The following TMC7 variants were observed in gnomAD, a reference collection of about 807,000 sequenced individuals.
TMC7 encodes transmembrane channel like 7.
TMC7 carries 54 observed loss-of-function variants against 82.9 expected under a neutral mutation model. That is an observed-to-expected ratio of 0.65 (90% CI 0.52 to 0.82). The LOEUF (loss-of-function observed/expected upper bound fraction) is 0.82, where lower values mean the gene tolerates loss of function less well. Among genes scored for constraint, TMC7 ranks in the 40% least tolerant of loss-of-function variants. The pLI is 0.00. For missense variants in TMC7, 820 were observed against 901.2 expected, an observed-to-expected ratio of 0.91 and a Z score of 1.15; for synonymous variants, 350 against 337.9, an observed-to-expected ratio of 1.04 and a Z score of -0.39.
In TMC7 at chr16:18,984,052, CG is replaced by C; in HGVS notation, c.-8del. 1 of 1,473,772 alleles carries C rather than the reference CG, an allele frequency of 6.8e-7. No homozygotes were observed. Among genetic ancestry groups the C allele is most frequent in the Non-Finnish European group, 8.9e-7 (1 of 1,119,986 alleles). The allele number at this position is 1,473,772 out of a possible 1,614,324, so 91.3% of individuals were successfully genotyped here. On this transcript the variant is annotated 5_prime_UTR_variant, in exon 1 of 16. Coordinates refer to ENST00000304381, the MANE Select transcript of TMC7 (RefSeq NM_024847.4). ...GGTCCTCGGCAGCCTCTGAGGAGCGCGGGGCGCGGCCATGAGCGAGTCCAGC... is the reference window on the plus strand; with the variant it reads ...GGTCCTCGGCAGCCTCTGAGGAGCGCGGGCGCGGCCATGAGCGAGTCCAGC...
At chr16:19,009,614 A>G (rs1272729909) in intron 2 of TMC7, among the ~76,000 whole-genome samples, 199 bp downstream of exon 2, 1 of 151,992 alleles carries the variant, frequency 6.6e-6, no homozygotes, top group East Asian at 1.9e-4. Flanking sequence ...AAAAAGAAAA[A>G]AAAAAAGACA....
intron 1 of TMC7, among the ~76,000 whole-genome samples, chr16:18,989,872 A>G: frequency 6.6e-6 from 1 of 151,718 alleles, no homozygotes; most frequent in Non-Finnish European, 1.5e-5. Flanking sequence ...GCCCAGCCTG[A>G]AGTGCAGTCG....
At position 19,009,041 on chromosome 16, in the gene TMC7, C is replaced by G. The variant is rs552944913; in HGVS notation, c.68-131C>G. On this transcript the variant is annotated intron_variant, in intron 1 of 15. Coordinates refer to ENST00000304381, the MANE Select transcript of TMC7 (RefSeq NM_024847.4). ...ACCACTGTGGTAAATAAAATAAGAT[C>G]AAAATGCTGTCGTCACTGACCCAGG... 83 of 1,045,746 alleles carry G rather than the reference C, an allele frequency of 7.9e-5. No homozygotes were observed. In the South Asian group the frequency reaches 1.2e-3, roughly 15 times the overall value. The allele number at this position is 1,045,746 out of a possible 1,614,324, so 64.8% of individuals were successfully genotyped here.
rs2038795404 is a variant in TMC7, at chr16:18,983,983, G to A, written c.-81G>A. 2.3e-6 allele frequency: 3 copies of A among 1,315,396 alleles called. No individual in the cohort carries two copies. Among genetic ancestry groups the A allele is most frequent in the Admixed American group, 7.9e-5 (2 of 25,192 alleles). 81.5% of individuals were successfully genotyped at this position (1,315,396 alleles called of 1,614,324 possible). On this transcript the variant is annotated 5_prime_UTR_variant, in exon 1 of 16. Transcript: ENST00000304381. Reference sequence around the variant, plus strand: ...CCGGAACCTGGAATCCCGGCTCCGCGAGGGAAGGCCGGGGAGGCGGCGGCG... The same window carrying A: ...CCGGAACCTGGAATCCCGGCTCCGCAAGGGAAGGCCGGGGAGGCGGCGGCG...
At chr16:19,016,941 T>C (rs1274520546) in intron 3 of TMC7, among the ~76,000 whole-genome samples, 5 of 152,174 alleles carry the variant, frequency 3.3e-5, no homozygotes, top group Non-Finnish European at 7.4e-5. Flanking sequence ...ATCCCAGCAA[T>C]TTGGGAGGCC....
At chr16:18,989,307 C>T (rs990757420) in intron 1 of TMC7, among the ~76,000 whole-genome samples, 5 of 152,112 alleles carry the variant, frequency 3.3e-5, no homozygotes, top group Admixed American at 1.3e-4. Flanking sequence ...GTGACCCACC[C>T]GTCTGACTCG....
intron 1 of TMC7, among the ~76,000 whole-genome samples, chr16:18,989,907 A>G (rs1450045371): frequency 6.6e-6 from 1 of 152,040 alleles, no homozygotes; most frequent in Non-Finnish European, 1.5e-5. Flanking sequence ...GTCCATGTGA[A>G]GAGACCACCA....
At chr16:18,984,307 C>A in intron 1 of TMC7, 177 bp downstream of exon 1, 1 of 1,316,968 alleles carries the variant, frequency 7.6e-7, no homozygotes, top group Non-Finnish European at 9.6e-7. Flanking sequence ...CTGCTCCCTC[C>A]ACAAACGCGT....
rs2038969964 is a variant in TMC7, at chr16:18,992,498, C to G, written c.67+8368C>G. Among the ~76,000 whole-genome samples, 5 of 152,184 alleles carry G rather than the reference C, an allele frequency of 3.3e-5. No homozygotes were observed. The South Asian group carries it at 1.0e-3, about 32-fold the overall frequency. ...GTTCTTTGTAGATTCCGGATATTAG[C>G]CTTTTGTCAGATAAGTAGATTTCAA... On this transcript the variant is annotated intron_variant, in intron 1 of 15. Coordinates refer to ENST00000304381, the MANE Select transcript of TMC7 (RefSeq NM_024847.4).
intron 1 of TMC7, among the ~76,000 whole-genome samples, chr16:18,989,419 T>A (rs535828392): frequency 6.6e-6 from 1 of 152,264 alleles, no homozygotes; most frequent in East Asian, 1.9e-4. Flanking sequence ...GTTTGTTTTT[T>A]TCAGGAAGTG....
At chr16:18,986,373 T>G (rs1242251887) in intron 1 of TMC7, among the ~76,000 whole-genome samples, 2 of 119,462 alleles carry the variant, frequency 1.7e-5, no homozygotes, top group African/African-American at 3.4e-5. Context: ...CCAGCCTGGG[T>G]GACAGAGACT....
intron 1 of TMC7, among the ~76,000 whole-genome samples, chr16:18,995,794 G>A (rs1313891099): frequency 1.3e-5 from 2 of 152,148 alleles, no homozygotes; most frequent in Admixed American, 6.6e-5. Context: ...GTCCTGTTAT[G>A]GGGTTTGAGG....
In TMC7 at chr16:19,050,672, G is replaced by GT. The variant is rs940272370; in HGVS notation, c.1741-1006dup. Among the ~76,000 whole-genome samples, 26 of 151,674 alleles carry GT rather than the reference G, an allele frequency of 1.7e-4. No homozygotes were observed. In the East Asian group the frequency reaches 2.1e-3, roughly 13 times the overall value. ...GCTGGCTAATTTTTGTAGAGACAGG[G>GT]TTTTTTTTAATAGAGATGGGGTTTC... is the stretch of plus-strand genomic sequence containing the variant. On this transcript the variant is annotated intron_variant, in intron 12 of 15. Transcript: ENST00000304381.
rs1044256563 is a variant in TMC7, at chr16:19,025,514, G to A, written c.711+2319G>A. Among the ~76,000 whole-genome samples the A allele has an allele frequency of 2.0e-5, 3 of 152,200 alleles. No individual in the cohort carries two copies. The South Asian group carries it at 6.2e-4, about 32-fold the overall frequency. On this transcript the variant is annotated intron_variant, in intron 5 of 15. Coordinates refer to ENST00000304381, the MANE Select transcript of TMC7 (RefSeq NM_024847.4). Reference sequence around the variant, plus strand: ...GGTGCCTGTAATCCCAGCTACTTAGGAGGCTGAGGCAGGAGAATTGCTTGA... The same window carrying A: ...GGTGCCTGTAATCCCAGCTACTTAGAAGGCTGAGGCAGGAGAATTGCTTGA...
chr16:19,044,952 G>A lies in TMC7; in HGVS notation c.1406G>A (p.Cys469Tyr). Reference sequence around the variant, plus strand: ...ACGCTGGGCTCCAAGATCACATCCTGTGATGATGACACATGTGACCTTTGC... The same window carrying A: ...ACGCTGGGCTCCAAGATCACATCCTATGATGATGACACATGTGACCTTTGC... ...VFTLGSKITS[C>Y]DDDTCDLCGY... The change falls in exon 10 of 16, where the codon TGT (cysteine) becomes TAT (tyrosine). Residue 469 changes from cysteine (C) to tyrosine (Y), a missense_variant. Physicochemically the swap from Cys to Tyr is radical, Grantham distance 194 (BLOSUM62 -2). Transcript: ENST00000304381. The A allele has an allele frequency of 1.2e-6, 2 of 1,613,966 alleles. No homozygotes were observed. Among genetic ancestry groups the A allele is most frequent in the Middle Eastern group, 1.7e-4 (1 of 6,052 alleles).
At chr16:18,991,268 G>A (rs1488997530) in intron 1 of TMC7, among the ~76,000 whole-genome samples, 3 of 152,242 alleles carry the variant, frequency 2.0e-5, no homozygotes, top group Admixed American at 6.5e-5. Flanking sequence ...AACAGAAGAC[G>A]CAAGGTCTGA....
Position 19,061,865 on chromosome 16 carries a change from T to C in TMC7, c.*22T>C, listed in dbSNP as rs750508794. 10 of 1,606,654 alleles carry C rather than the reference T, an allele frequency of 6.2e-6. No homozygotes were observed. The highest frequency in any genetic ancestry group is 8.5e-6 in the Non-Finnish European group (10 of 1,175,122). ...CTAACTAGACTGAGCGTGAAGATGG[T>C]GCTGCCTGTTGCTTCTAAGCTGACC... On this transcript the variant is annotated 3_prime_UTR_variant, in exon 16 of 16. Transcript: ENST00000304381.
At chr16:19,051,561 G>A (rs998443453) in intron 12 of TMC7, 125 bp from the exon 13 acceptor site, 14 of 1,112,764 alleles carry the variant, frequency 1.3e-5, no homozygotes, top group Non-Finnish European at 1.7e-5. Context: ...GATCTGTATT[G>A]CTGGACTACC....
chr16:19,015,827 C>T (rs370280091), intron 2 of TMC7, among the ~76,000 whole-genome samples: 1 of 152,010 alleles, frequency 6.6e-6, no homozygotes, highest in East Asian at 1.9e-4. Flanking sequence ...CCACCTGCCT[C>T]AGCCTCCCAA....
Sources: gnomAD v4.1 joint callset for allele counts (sites outside exome capture counted in the v4.1 genomes callset) on GRCh38, gnomAD v4.1.1 for gene constraint, MANE v1.5 for transcripts, NCBI Gene and HGNC (gene_info 2026-07-23, HGNC 2026-07-21) for gene names.